The following SLAIN2 variants were observed in gnomAD, a reference collection of about 807,000 sequenced individuals.
SLAIN2 encodes SLAIN motif-containing protein 2.
SLAIN2 carries 31 observed loss-of-function variants against 56.6 expected under a neutral mutation model. The ratio of observed to expected loss-of-function variants is 0.55; its 90% CI spans 0.41 to 0.74. The LOEUF is 0.74. Ranked by LOEUF, SLAIN2 falls within the 30% of genes least tolerant of loss-of-function variation. SLAIN2 has a pLI of 0.00. For synonymous variants in SLAIN2, 317 were observed against 284.9 expected (o/e 1.11, Z -1.13); for missense variants, 777 against 754.2 (o/e 1.03, Z -0.35).
chr4:48,373,430 A>T (rs570133977), intron 2 of SLAIN2, among the ~76,000 whole-genome samples: 47 of 152,190 alleles, frequency 3.1e-4, no homozygotes, highest in African/African-American at 1.1e-3. Flanking sequence ...TCATCTGTTT[A>T]TATGGTGTCT....
At chr4:48,378,464 T>C (rs1189172049) in intron 3 of SLAIN2, among the ~76,000 whole-genome samples, 2 of 152,184 alleles carry the variant, frequency 1.3e-5, no homozygotes, top group Admixed American at 6.5e-5. Context: ...TAGAGGTGAA[T>C]GTACCAGCAG....
intron 1 of SLAIN2, among the ~76,000 whole-genome samples, chr4:48,342,667 G>A (rs1323548419): frequency 6.9e-6 from 1 of 144,890 alleles, no homozygotes; most frequent in African/African-American, 2.5e-5. Flanking sequence ...TGGGTAGTGG[G>A]GTAAACCTTG....
At chr4:48,420,018 C>A (rs1347861136) in intron 6 of SLAIN2, 107 bp from the exon 7 acceptor site, 12 of 1,119,080 alleles carry the variant, frequency 1.1e-5, no homozygotes, top group Non-Finnish European at 1.5e-5. Context: ...TGTGAAGTTT[C>A]CTGAATACAC....
At chr4:48,377,806 G>T in intron 2 of SLAIN2, 90 bp from the exon 3 acceptor site, 1 of 1,191,140 alleles carries the variant, frequency 8.4e-7, no homozygotes, top group South Asian at 1.4e-5. Context: ...TTGAGATAAT[G>T]ATTTAGTTTT....
intron 1 of SLAIN2, among the ~76,000 whole-genome samples, chr4:48,365,549 G>GTTTA (rs200595702): frequency 2.0e-5 from 3 of 151,166 alleles, no homozygotes; most frequent in Non-Finnish European, 4.4e-5. Flanking sequence ...GCTACTTTGG[G>GTTTA]TTTATTTATT....
At chr4:48,365,985 G>C (rs1431213691) in intron 1 of SLAIN2, among the ~76,000 whole-genome samples, 2 of 152,090 alleles carry the variant, frequency 1.3e-5, no homozygotes, top group East Asian at 3.8e-4. Context: ...CTTTTTTAGC[G>C]TCATCACATA....
At chr4:48,411,141 G>A (rs1303531287) in intron 6 of SLAIN2, among the ~76,000 whole-genome samples, 3 of 152,122 alleles carry the variant, frequency 2.0e-5, no homozygotes, top group Non-Finnish European at 4.4e-5. Context: ...ATGACTGGAT[G>A]AGAGGGATAA....
At chr4:48,375,808 C>A (rs565760427) in intron 2 of SLAIN2, among the ~76,000 whole-genome samples, 1 of 152,168 alleles carries the variant, frequency 6.6e-6, no homozygotes, top group Non-Finnish European at 1.5e-5. Flanking sequence ...TCTGCATTTC[C>A]GAGACACTGC....
At chr4:48,346,296 G>C (rs956981079) in intron 1 of SLAIN2, among the ~76,000 whole-genome samples, 11 of 151,780 alleles carry the variant, frequency 7.2e-5, no homozygotes, top group Non-Finnish European at 1.5e-4. Context: ...GATCCTGCCC[G>C]TGTTCACCAT....
intron 1 of SLAIN2, among the ~76,000 whole-genome samples, chr4:48,347,392 C>G (rs923526119): frequency 2.7e-5 from 4 of 149,834 alleles, no homozygotes; most frequent in Non-Finnish European, 5.9e-5. Flanking sequence ...ACCACAGGCG[C>G]GTGACACCAT....
chr4:48,385,546 C>T (rs1229374840), intron 6 of SLAIN2, among the ~76,000 whole-genome samples: 9 of 152,234 alleles, frequency 5.9e-5, no homozygotes, highest in South Asian at 4.1e-4. Context: ...GTGATACAAA[C>T]GAGTTTGTTG....
chr4:48,376,582 T>G (rs1715818002), intron 2 of SLAIN2, among the ~76,000 whole-genome samples: 1 of 151,156 alleles, frequency 6.6e-6, no homozygotes, highest in Non-Finnish European at 1.5e-5. Flanking sequence ...CATAGCACAT[T>G]TTTTTTTTCT....
chr4:48,356,664 C>G (rs1464035548), intron 1 of SLAIN2, among the ~76,000 whole-genome samples: 1 of 152,198 alleles, frequency 6.6e-6, no homozygotes, highest in African/African-American at 2.4e-5. Flanking sequence ...TGTTTCCCAG[C>G]ATTCCCAGGT....
chr4:48,406,484 CTG>C (rs1474186257), intron 6 of SLAIN2, among the ~76,000 whole-genome samples: 56 of 149,174 alleles, frequency 3.8e-4, no homozygotes, highest in Admixed American at 3.2e-3. Flanking sequence ...AATATGTTTA[CTG>C]AAAACAATTT....
Position 48,377,956 on chromosome 4 carries a change from A to G in SLAIN2, c.599A>G (p.Tyr200Cys), listed in dbSNP as rs946245668. ...AACTCTATGAGTTACACCAGTCCTT[A>G]CAGTCCAAATGCCAGTAGCCCATAC... ...PFNSMSYTSP[Y>C]SPNASSPYSS... Residue 200 changes from tyrosine (Y) to cysteine (C), a missense_variant, in exon 3 of 8, where the codon TAC becomes TGC. Transcript: ENST00000264313. 1 of 1,613,826 alleles carries G rather than the reference A, an allele frequency of 6.2e-7. No homozygotes were observed. The highest frequency in any genetic ancestry group is 1.3e-5 in the African/African-American group (1 of 74,924).
At chr4:48,402,200 A>T (rs566494179) in intron 6 of SLAIN2, among the ~76,000 whole-genome samples, 4,442 of 144,868 alleles carry the variant, frequency 0.031, 70 homozygotes, top group Admixed American at 0.046. Context: ...GCTGCCCTTA[A>T]TTTTTTTTTT....
At chr4:48,381,071 G>T (rs1357416091) in intron 4 of SLAIN2, among the ~76,000 whole-genome samples, 1 of 152,002 alleles carries the variant, frequency 6.6e-6, no homozygotes. Flanking sequence ...CTGGTTAGGG[G>T]GTGGTTATTG....
In SLAIN2 at chr4:48,425,695, T is replaced by C. The variant is rs1226231365; in HGVS notation, c.*3618T>C. 1 of 152,170 alleles carries C rather than the reference T, an allele frequency of 6.6e-6. No individual in the cohort carries two copies. The highest frequency in any genetic ancestry group is 1.5e-5 in the Non-Finnish European group (1 of 67,992). 9.4% of individuals were successfully genotyped at this position (152,170 alleles called of 1,614,324 possible). On this transcript the variant is annotated 3_prime_UTR_variant, in exon 8 of 8. Transcript: ENST00000264313. ...AAATTAAATGTCACTATACTTGTAT[T>C]ATAAATCAATACATAAGTTTAAACC...
At chr4:48,365,010 T>C (rs1274346085) in intron 1 of SLAIN2, among the ~76,000 whole-genome samples, 1 of 152,206 alleles carries the variant, frequency 6.6e-6, no homozygotes, top group African/African-American at 2.4e-5. Context: ...TAGGAATTAA[T>C]CTGTTTTATC....
Sources: gnomAD v4.1 joint callset for allele counts (sites outside exome capture counted in the v4.1 genomes callset) on GRCh38, gnomAD v4.1.1 for gene constraint, MANE v1.5 for transcripts, NCBI Gene and HGNC (gene_info 2026-07-23, HGNC 2026-07-21) for gene names.